The following MYZAP variants were observed in gnomAD, a reference collection of about 807,000 sequenced individuals.
MYZAP encodes the protein GRINL1A complex locus upstream.
A neutral mutation model predicts 69.4 loss-of-function variants in MYZAP; 66 were observed. That is an observed-to-expected ratio of 0.95 (90% CI 0.78 to 1.17). MYZAP has a LOEUF of 1.17. Among genes scored for constraint, MYZAP ranks in the 50% most tolerant of loss-of-function variants. The pLI is 0.00. For missense variants in MYZAP, 611 were observed against 556.2 expected (o/e 1.10, Z -0.99); for synonymous variants, 256 against 205.9 (o/e 1.24, Z -2.09).
At chr15:57,592,518 A>G (rs371617677) in intron 1 of MYZAP, among the ~76,000 whole-genome samples, 6 of 152,192 alleles carry the variant, frequency 3.9e-5, no homozygotes, top group East Asian at 3.9e-4. Flanking sequence ...ACTTGTGTCC[A>G]CTAGTGATAG....
rs140134953 is a variant in MYZAP at position 57,625,223 on chromosome 15, G to A, written c.412-556G>A. ...CACGAAGCTGGGATTACAAGCGTGC[G>A]TCACCATGCCTGGCTAATTTTTGTA... On this transcript the variant is annotated intron_variant, in intron 4 of 12. Transcript: ENST00000267853. Among the ~76,000 whole-genome samples, 60 of 152,124 alleles carry A rather than the reference G, an allele frequency of 3.9e-4. No individual in the cohort carries two copies. In the East Asian group the frequency reaches 9.9e-3, roughly 25 times the overall value.
At chr15:57,644,165 G>A (rs1404606592) in intron 10 of MYZAP, among the ~76,000 whole-genome samples, 1 of 152,122 alleles carries the variant, frequency 6.6e-6, no homozygotes, top group Non-Finnish European at 1.5e-5. Flanking sequence ...TCGCTGTCCC[G>A]GATTCTCAGA....
At chr15:57,657,895 A>G (rs189960373) in intron 10 of MYZAP, among the ~76,000 whole-genome samples, 17 of 152,322 alleles carry the variant, frequency 1.1e-4, no homozygotes, top group African/African-American at 3.8e-4. Flanking sequence ...TGCCCCTCCC[A>G]GTCCTGCCAA....
chr15:57,606,386 A>G (rs1466739864), intron 2 of MYZAP, among the ~76,000 whole-genome samples: 1 of 152,210 alleles, frequency 6.6e-6, no homozygotes, highest in Admixed American at 6.5e-5. Flanking sequence ...CTGCAAAACA[A>G]TTGGCCTGAA....
At chr15:57,623,144 A>G (rs1184991711) in intron 4 of MYZAP, among the ~76,000 whole-genome samples, 2 of 152,132 alleles carry the variant, frequency 1.3e-5, no homozygotes, top group African/African-American at 4.8e-5. Flanking sequence ...CCATGATATA[A>G]TTTTTATCTA....
At chr15:57,673,460 ATGCG>A (rs1567240087) in intron 11 of MYZAP, among the ~76,000 whole-genome samples, 4 of 72,986 alleles carry the variant, frequency 5.5e-5, no homozygotes, top group South Asian at 5.3e-4. Flanking sequence ...GCATGCGTGC[ATGCG>A]TGTGTGTGTG....
In MYZAP at chr15:57,633,632, T is replaced by C. The variant is rs759187975; in HGVS notation, c.824T>C (p.Leu275Pro). 2 of 1,613,074 alleles carry C rather than the reference T, an allele frequency of 1.2e-6. No individual in the cohort carries two copies. Among genetic ancestry groups the C allele is most frequent in the Admixed American group, 3.3e-5 (2 of 59,918 alleles). Residue 275 changes from leucine to proline, a missense_variant, in exon 8 of 13, where the codon CTG becomes CCG. Physicochemically the swap from Leu to Pro is moderately conservative, Grantham distance 98. Transcript: ENST00000267853. ...EALLEETNSF[L>P]KAIEEANKKM... is the part of the protein sequence containing the mutation. ...TTGCAGGAAGAAACCAATAGTTTTC[T>C]GAAAGCGATTGAAGAAGCCAATAAA...
intron 10 of MYZAP, 118 bp downstream of exon 10, chr15:57,639,663 C>A: frequency 8.9e-7 from 1 of 1,117,344 alleles, no homozygotes; most frequent in Non-Finnish European, 1.3e-6. Flanking sequence ...GGTGCTCAGG[C>A]CACTGCCATC....
chr15:57,665,213 A>C (rs745850527), intron 11 of MYZAP, among the ~76,000 whole-genome samples: 1 of 152,244 alleles, frequency 6.6e-6, no homozygotes. Flanking sequence ...CTAGCAGGCC[A>C]TAGGGCCCAG....
At chr15:57,678,650 C>T (rs553889566) in intron 12 of MYZAP, among the ~76,000 whole-genome samples, 4 of 152,116 alleles carry the variant, frequency 2.6e-5, no homozygotes, top group East Asian at 3.9e-4. Context: ...CTAGACACCC[C>T]GTCTAGACAC....
intron 10 of MYZAP, among the ~76,000 whole-genome samples, chr15:57,640,173 G>A (rs1399383268): frequency 6.6e-6 from 1 of 152,130 alleles, no homozygotes; most frequent in Non-Finnish European, 1.5e-5. Context: ...GAGAAAACGG[G>A]TAAGTTGAAC....
rs192181406 is a variant in MYZAP at position 57,646,174 on chromosome 15, G to A, written c.1119+6629G>A. The A allele has an allele frequency of 1.6e-4, 200 of 1,289,304 alleles. 1 individual carries two copies. The Middle Eastern group carries it at 4.9e-3, about 32-fold the overall frequency. The allele number at this position is 1,289,304 out of a possible 1,614,324, so 79.9% of individuals were successfully genotyped here. ...GAGCTCTTCTCCAGATTTAGTCTCC[G>A]GCTCTTTGGAAGATGATAAGTTGGT... On this transcript the variant is annotated intron_variant, in intron 10 of 12. Transcript: ENST00000267853.
Position 57,633,673 on chromosome 15 carries a change from G to T in MYZAP, c.865G>T (p.Glu289Ter). 1.9e-6 allele frequency: 3 copies of T among 1,613,756 alleles called. No homozygotes were observed. The highest frequency in any genetic ancestry group is 2.5e-6 in the Non-Finnish European group (3 of 1,179,852). Residue 289 changes from glutamate to a stop codon, truncating the protein, a stop_gained, in exon 8 of 13, where the codon GAG (glutamate) becomes TAG (stop). Transcript: ENST00000267853. LOFTEE classifies it high-confidence loss of function. ...AGCCAATAAAAAGATGCAAGCAGCA[G>T]AGATCAGCCTAGAGGAGAAAGACCA... ...EEANKKMQAA[E>*]ISLEEKDQRI...
chr15:57,665,960 A>C (rs2038550251), intron 11 of MYZAP, among the ~76,000 whole-genome samples: 1 of 152,230 alleles, frequency 6.6e-6, no homozygotes, highest in Non-Finnish European at 1.5e-5. Context: ...CCCTCTGAGC[A>C]TCAGTTTCAG....
chr15:57,631,390 C>T (rs2036496734), intron 6 of MYZAP, among the ~76,000 whole-genome samples: 1 of 151,010 alleles, frequency 6.6e-6, no homozygotes, highest in Non-Finnish European at 1.5e-5. Context: ...GTTTTAGAGA[C>T]TGATGCTTGT....
At chr15:57,668,894 A>ATATATATATATT (rs1252525814) in intron 11 of MYZAP, among the ~76,000 whole-genome samples, 11 of 62,604 alleles carry the variant, frequency 1.8e-4, no homozygotes, top group Non-Finnish European at 2.6e-4. Flanking sequence ...ATATATATAT[A>ATATATATATATT]TTTTTTTTTT....
chr15:57,615,974 C>A (rs932741660), intron 2 of MYZAP, among the ~76,000 whole-genome samples: 1 of 130,468 alleles, frequency 7.7e-6, no homozygotes, highest in African/African-American at 3.0e-5. Flanking sequence ...AAACAAAAAA[C>A]AAGCAATATA....
At chr15:57,604,426 T>C in intron 2 of MYZAP, 71 bp downstream of exon 2, 10 of 1,548,628 alleles carry the variant, frequency 6.5e-6, no homozygotes, top group East Asian at 2.3e-5. Flanking sequence ...TCCCATCTCC[T>C]AACCAGGCCA....
intron 2 of MYZAP, among the ~76,000 whole-genome samples, chr15:57,613,818 G>C (rs2035265582): frequency 6.6e-6 from 1 of 152,116 alleles, no homozygotes; most frequent in South Asian, 2.1e-4. Context: ...CGCTGTATAA[G>C]GAAATAAATA....
Sources: gnomAD v4.1 joint callset for allele counts (sites outside exome capture counted in the v4.1 genomes callset) on GRCh38, gnomAD v4.1.1 for gene constraint, MANE v1.5 for transcripts, NCBI Gene and HGNC (gene_info 2026-07-23, HGNC 2026-07-21) for gene names.